The following KIT variants were observed in gnomAD, a reference collection of about 807,000 sequenced individuals.
The protein encoded by KIT is KIT proto-oncogene, receptor tyrosine kinase.
Under a neutral mutation model 105.7 loss-of-function variants are expected in KIT, and 16 were observed. The observed-to-expected ratio is 0.15, with a 90% CI of 0.10 to 0.23. The LOEUF is 0.23. KIT is among the 10% of genes least tolerant of loss of function. The pLI, the probability that KIT is intolerant of heterozygous loss-of-function variation, is 1.00. For missense variants in KIT, 858 were observed against 1,213.8 expected, an observed-to-expected ratio of 0.71 and a Z score of 4.36; for synonymous variants, 438 against 441.1, an observed-to-expected ratio of 0.99 and a Z score of 0.09.
rs2109777731 is a variant in KIT, at chr4:54,727,558, G to T, written c.1774+16G>T. ...CTGAGTTTTGGTCAGTATGAAACAG[G>T]GGCTTTCCATGTCACCTTTTTGGGT... On this transcript the variant is annotated intron_variant, in intron 11 of 20. Coordinates refer to ENST00000288135, the MANE Select transcript of KIT (RefSeq NM_000222.3). 1 of 1,613,900 alleles carries T rather than the reference G, an allele frequency of 6.2e-7. No homozygotes were observed. The highest frequency in any genetic ancestry group is 8.5e-7 in the Non-Finnish European group (1 of 1,179,914).
intron 17 of KIT, among the ~76,000 whole-genome samples, chr4:54,733,831 T>C (rs145176774): frequency 2.0e-4 from 30 of 152,264 alleles, no homozygotes; most frequent in African/African-American, 7.2e-4. Context: ...CACAGGACAA[T>C]AGAGGCTGAA....
chr4:54,673,432 C>T (rs2109577200), intron 1 of KIT, among the ~76,000 whole-genome samples: 1 of 152,254 alleles, frequency 6.6e-6, no homozygotes, highest in Non-Finnish European at 1.5e-5. Flanking sequence ...GTTGTCTTTA[C>T]CTGTCATTTC....
chr4:54,702,323 GTGTCTAAAATA>G (rs1720504214), intron 4 of KIT, among the ~76,000 whole-genome samples: 2 of 151,982 alleles, frequency 1.3e-5, no homozygotes, highest in African/African-American at 4.8e-5. Context: ...TTGACTCAGT[GTGTCTAAAATA>G]TTATTTCATA....
chr4:54,733,623 C>T (rs907701902), intron 17 of KIT, among the ~76,000 whole-genome samples: 6 of 152,034 alleles, frequency 3.9e-5, no homozygotes, highest in African/African-American at 7.2e-5. Flanking sequence ...CTAGAATACA[C>T]GGAGAGCTAT....
At chr4:54,721,327 T>C (rs1721856485) in intron 7 of KIT, among the ~76,000 whole-genome samples, 1 of 152,230 alleles carries the variant, frequency 6.6e-6, no homozygotes, top group African/African-American at 2.4e-5. Flanking sequence ...GTATGGCACC[T>C]AGAGTCCCTA....
rs367986084 is a variant in KIT at position 54,703,715 on chromosome 4, A to G, written c.757-9A>G. On this transcript the variant is annotated splice_polypyrimidine_tract_variant and intron_variant, in intron 4 of 20. Coordinates refer to ENST00000288135, the MANE Select transcript of KIT (RefSeq NM_000222.3). ...TTCATTTTTTTTTCTCCTTTTCTGA[A>G]ACCAGCAGACTAAACTACAGGAGAA... 2.1e-5 allele frequency: 34 copies of G among 1,612,160 alleles called. No homozygotes were observed. The highest frequency in any genetic ancestry group is 2.8e-5 in the Non-Finnish European group (33 of 1,178,462).
intron 6 of KIT, among the ~76,000 whole-genome samples, chr4:54,708,782 C>G (rs1720954643): frequency 6.6e-6 from 1 of 152,016 alleles, no homozygotes; most frequent in African/African-American, 2.4e-5. Context: ...CGTGGACTGC[C>G]CAGGGTGACA....
intron 6 of KIT, 75 bp downstream of exon 6, chr4:54,707,362 T>G (rs2109706298): frequency 9.2e-7 from 1 of 1,085,732 alleles, no homozygotes; most frequent in East Asian, 2.4e-5. Flanking sequence ...CTTATTTCTG[T>G]AACCCGTAAA....
intron 1 of KIT, among the ~76,000 whole-genome samples, chr4:54,662,053 T>A (rs937736910): frequency 6.6e-5 from 10 of 152,256 alleles, no homozygotes; most frequent in East Asian, 1.9e-4. Context: ...AGATTTTTTT[T>A]AAATCAAGAT....
intron 8 of KIT, among the ~76,000 whole-genome samples, 185 bp downstream of exon 8, chr4:54,723,883 T>G (rs1477941821): frequency 6.6e-6 from 1 of 152,240 alleles, no homozygotes; most frequent in Non-Finnish European, 1.5e-5. Flanking sequence ...TTAATTTTGT[T>G]TGCTGAAAAA....
intron 1 of KIT, among the ~76,000 whole-genome samples, chr4:54,661,643 A>G (rs1026232323): frequency 6.6e-6 from 1 of 152,234 alleles, no homozygotes; most frequent in Non-Finnish European, 1.5e-5. Context: ...AACTTTTAAA[A>G]GTTGAGATTG....
rs1723011819 is a variant in KIT at position 54,737,762 on chromosome 4, T to C, written c.2802+482T>C. On this transcript the variant is annotated intron_variant, in intron 20 of 20. Coordinates refer to ENST00000288135, the MANE Select transcript of KIT (RefSeq NM_000222.3). ...ATAGCTGTCATGCCCACAAGCCATA[T>C]AGAATGAAGAGCTGTTTGAAGTTGG... is the stretch of plus-strand genomic sequence containing the variant. 2.6e-5 allele frequency among the ~76,000 whole-genome samples: 4 copies of C among 152,230 alleles called. No individual in the cohort carries two copies. The South Asian group carries it at 6.2e-4, about 24-fold the overall frequency.
intron 7 of KIT, among the ~76,000 whole-genome samples, chr4:54,721,047 G>T (rs1441591938): frequency 6.6e-6 from 1 of 152,196 alleles, no homozygotes; most frequent in African/African-American, 2.4e-5. Flanking sequence ...CTTTGGGTGG[G>T]ATCTTCATCA....
chr4:54,679,625 C>A (rs1718759418), intron 1 of KIT, among the ~76,000 whole-genome samples: 1 of 152,020 alleles, frequency 6.6e-6, no homozygotes. Flanking sequence ...TACTGATTTA[C>A]CCATTATAAT....
intron 3 of KIT, 44 bp from the exon 4 acceptor site, chr4:54,699,586 T>C: frequency 2.5e-6 from 4 of 1,610,468 alleles, no homozygotes; most frequent in Non-Finnish European, 3.4e-6. Context: ...AATTTCATGC[T>C]ATAATACAAA....
chr4:54,668,733 T>C (rs6841225), intron 1 of KIT, among the ~76,000 whole-genome samples: 13,174 of 152,264 alleles, frequency 0.087, 1,091 homozygotes, highest in African/African-American at 0.22. Flanking sequence ...GGCTGTCTGT[T>C]ATTCTACTTG....
At chr4:54,730,933 A>G (rs1270648699) in intron 14 of KIT, among the ~76,000 whole-genome samples, 2 of 152,124 alleles carry the variant, frequency 1.3e-5, no homozygotes, top group African/African-American at 4.8e-5. Context: ...TGCCTCCTGC[A>G]TAACACGTCT....
chr4:54,659,461 G>C (rs531553679), intron 1 of KIT, among the ~76,000 whole-genome samples: 39 of 152,310 alleles, frequency 2.6e-4, no homozygotes, highest in African/African-American at 9.1e-4. Flanking sequence ...CTGGAATCAA[G>C]CGCTTGAAAG....
chr4:54,660,395 C>A (rs986571424), intron 1 of KIT, among the ~76,000 whole-genome samples: 2 of 152,172 alleles, frequency 1.3e-5, no homozygotes, highest in Non-Finnish European at 2.9e-5. Context: ...TGGAGTCATT[C>A]TCAGCAGCTG....
Sources: gnomAD v4.1 joint callset for allele counts (sites outside exome capture counted in the v4.1 genomes callset) on GRCh38, gnomAD v4.1.1 for gene constraint, MANE v1.5 for transcripts, NCBI Gene and HGNC (gene_info 2026-07-23, HGNC 2026-07-21) for gene names.